Variants in DMD observed in about 807,000 individuals in gnomAD.
DMD encodes dystrophin, also known as mutant dystrophin.
Under a neutral mutation model 330.1 loss-of-function variants are expected in DMD, and 63 were observed. The observed-to-expected ratio is 0.19, with a 90% confidence interval of 0.16 to 0.24. The LOEUF (loss-of-function observed/expected upper bound fraction) is 0.24, where lower values mean the gene tolerates loss of function less well. Among genes scored for constraint, DMD ranks in the 10% least tolerant of loss-of-function variants. The pLI, the probability that DMD is intolerant of heterozygous loss-of-function variation, is 1.00. For missense variants in DMD, 3,344 were observed against 2,684.1 expected (o/e 1.25, Z -5.43); for synonymous variants, 1,223 against 959.8 (o/e 1.27, Z -5.07).
At chrX:32,342,072 A>G (rs879070950) in intron 41 of DMD, 28 bp downstream of exon 41, 4 of 1,196,698 alleles carry the variant, frequency 3.3e-6, no homozygotes, top group South Asian at 3.6e-5. Context: ...TTGCAAACAC[A>G]TACGTGGGTT....
At chrX:33,174,135 AACG>A (rs1328682520) in intron 1 of DMD, among the ~76,000 whole-genome samples, 1 of 109,278 alleles carries the variant, frequency 9.2e-6, no homozygotes, top group Non-Finnish European at 1.9e-5. Context: ...CAATCATGGG[AACG>A]ACAAGGAGAA....
chrX:32,850,599 G>A (rs763329526), intron 2 of DMD, among the ~76,000 whole-genome samples: 6 of 111,203 alleles, frequency 5.4e-5, no homozygotes, highest in Admixed American at 1.9e-4. Context: ...ACTAGAATGG[G>A]GTAAAGCCAA....
At chrX:32,389,868 A>G (rs2097988628) in intron 31 of DMD, among the ~76,000 whole-genome samples, 194 bp from the exon 32 acceptor site, 1 of 111,887 alleles carries the variant, frequency 8.9e-6, no homozygotes, top group Non-Finnish European at 1.9e-5. Context: ...TTTTTTCTTA[A>G]TGTTATACTA....
At chrX:32,213,469 T>TGTGTGTGTGCACGCTC (rs1358540043) in intron 44 of DMD, among the ~76,000 whole-genome samples, 1 of 112,074 alleles carries the variant, frequency 8.9e-6, no homozygotes, top group Non-Finnish European at 1.9e-5. Context: ...TATGTATTCA[T>TGTGTGTGTGCACGCTC]GTGTGTGTGC....
chrX:31,545,349 A>C (rs2074086077), intron 55 of DMD, among the ~76,000 whole-genome samples: 1 of 111,628 alleles, frequency 9.0e-6, no homozygotes, highest in Admixed American at 9.5e-5. Context: ...CATTCTGTTA[A>C]CCGGTGTGAG....
intron 41 of DMD, among the ~76,000 whole-genome samples, chrX:32,324,361 G>A (rs1472187105): frequency 9.2e-6 from 1 of 109,148 alleles, no homozygotes; most frequent in Non-Finnish European, 1.9e-5. Context: ...AAAATACAAG[G>A]TCACAATGCT....
intron 55 of DMD, among the ~76,000 whole-genome samples, chrX:31,623,354 C>T (rs1480193622): frequency 9.0e-6 from 1 of 111,396 alleles, no homozygotes; most frequent in African/African-American, 3.3e-5. Context: ...ACCTCCACCT[C>T]CTGGGTTCAA....
At chrX:32,719,075 A>C (rs2066007018) in intron 7 of DMD, among the ~76,000 whole-genome samples, 1 of 111,933 alleles carries the variant, frequency 8.9e-6, no homozygotes, top group Admixed American at 9.5e-5. Flanking sequence ...CAAATAGGTG[A>C]TTCACAAACA....
At chrX:33,249,385 A>G (rs2052730243) in intron 1 of DMD, among the ~76,000 whole-genome samples, 1 of 111,584 alleles carries the variant, frequency 9.0e-6, no homozygotes, top group Non-Finnish European at 1.9e-5. Context: ...TCCTGACCTT[A>G]GGTGATCTGC....
At chrX:31,920,679 TCTC>T (rs1171363423) in intron 47 of DMD, among the ~76,000 whole-genome samples, 2 of 112,531 alleles carry the variant, frequency 1.8e-5, no homozygotes, top group African/African-American at 6.5e-5. Flanking sequence ...ATGAAATTTT[TCTC>T]CTCCTTTCTC....
intron 41 of DMD, among the ~76,000 whole-genome samples, chrX:32,311,027 T>C (rs1406530469): frequency 9.0e-6 from 1 of 110,676 alleles, no homozygotes; most frequent in Non-Finnish European, 1.9e-5. Flanking sequence ...CAGAGTCCTT[T>C]TGGAGTTTCC....
chrX:31,263,704 C>A (rs5972355), intron 62 of DMD, among the ~76,000 whole-genome samples: 7 of 111,593 alleles, frequency 6.3e-5, no homozygotes, highest in African/African-American at 2.3e-4. Flanking sequence ...CCTTTTATTT[C>A]TAAGCAATGC....
intron 42 of DMD, among the ~76,000 whole-genome samples, chrX:32,290,252 T>C (rs1274962351): frequency 8.9e-6 from 1 of 112,531 alleles, no homozygotes; most frequent in Non-Finnish European, 1.9e-5. Flanking sequence ...CTATTTTAAA[T>C]AGCACCAGCA....
At chrX:32,498,293 T>G (rs1268173171) in intron 19 of DMD, among the ~76,000 whole-genome samples, 1 of 111,307 alleles carries the variant, frequency 9.0e-6, no homozygotes, top group African/African-American at 3.3e-5. Context: ...TCCAACCAAT[T>G]AATGCTGACA....
At position 32,849,810 on chromosome X, in the gene DMD, T is replaced by A; in HGVS notation, c.104A>T (p.Gln35Leu). 8.3e-7 allele frequency: 1 copy of A among 1,197,711 alleles called. No individual in the cohort carries two copies. ...GTCACTGAAGAGGTTCTCAATATGC[T>A]GCTTCCCAAACTGAAATTAAAAAAA... The part of the protein sequence containing the change: ...VNAQFSKFGK[Q>L]HIENLFSDLQ... Residue 35 changes from glutamine to leucine, a missense_variant, in exon 3 of 79, where the codon CAG (glutamine) becomes CTG (leucine). Physicochemically the swap from Gln to Leu is moderately radical, Grantham distance 113. Transcript: ENST00000357033.
intron 43 of DMD, among the ~76,000 whole-genome samples, chrX:32,241,777 A>AT (rs1297745321): frequency 5.4e-5 from 6 of 111,566 alleles, no homozygotes; most frequent in Non-Finnish European, 1.1e-4. Flanking sequence ...TTTATTTTCT[A>AT]TTTTTTCATT....
intron 30 of DMD, among the ~76,000 whole-genome samples, chrX:32,406,209 T>C (rs1349674245): frequency 9.0e-6 from 1 of 111,576 alleles, no homozygotes. Context: ...CAGGAACAAT[T>C]TGACTTCCTC....
chrX:31,455,917 G>C (rs958493843), intron 59 of DMD, among the ~76,000 whole-genome samples: 1 of 111,873 alleles, frequency 8.9e-6, no homozygotes, highest in African/African-American at 3.3e-5. Context: ...CTGAAATCCA[G>C]CCTGGGCTCT....
At chrX:31,216,166 T>G (rs1025783340) in intron 64 of DMD, among the ~76,000 whole-genome samples, 38 of 112,233 alleles carry the variant, frequency 3.4e-4, no homozygotes, top group Non-Finnish European at 3.4e-4. Flanking sequence ...CGAGAAAGAC[T>G]TCCTAGTGCA....
Sources: gnomAD v4.1 joint callset for allele counts (sites outside exome capture counted in the v4.1 genomes callset) on GRCh38, gnomAD v4.1.1 for gene constraint, MANE v1.5 for transcripts, NCBI Gene and HGNC (gene_info 2026-07-23, HGNC 2026-07-21) for gene names.